CERKL: variants seen among roughly 807,000 people sequenced by gnomAD.
CERKL encodes ceramide kinase-like protein.
In CERKL, 61 loss-of-function variants were observed where a neutral mutation model predicts 63.4. The ratio of observed to expected loss-of-function variants is 0.96; its 90% confidence interval spans 0.78 to 1.19. The LOEUF (loss-of-function observed/expected upper bound fraction) is 1.19. Among genes scored for constraint, CERKL ranks in the 50% most tolerant of loss-of-function variants. The probability of loss-of-function intolerance (pLI) is 0.00; values close to 1 mark genes in which losing one functional copy is unlikely to be tolerated. For missense variants in CERKL, 675 were observed against 655.5 expected, an observed-to-expected ratio of 1.03 and a Z score of -0.33; for synonymous variants, 250 against 230.5, an observed-to-expected ratio of 1.08 and a Z score of -0.77.
intron 1 of CERKL, among the ~76,000 whole-genome samples, chr2:181,631,757 A>T (rs1371547151): frequency 1.3e-5 from 2 of 152,184 alleles, no homozygotes; most frequent in Non-Finnish European, 2.9e-5. Flanking sequence ...AGAGTCTCAG[A>T]AAAGGGCTCT....
chr2:181,549,233 T>A (rs1687877014), intron 6 of CERKL, among the ~76,000 whole-genome samples: 1 of 152,214 alleles, frequency 6.6e-6, no homozygotes, highest in Admixed American at 6.5e-5. Context: ...TATAGACATC[T>A]ACTGGCTGAA....
rs191997806 is a variant in CERKL at position 181,554,757 on chromosome 2, T to A, written c.820+3809A>T. On this transcript the variant is annotated intron_variant, in intron 5 of 12. Coordinates refer to ENST00000410087, the MANE Select transcript of CERKL (RefSeq NM_201548.5). The stretch of plus-strand genomic sequence containing the variant: ...ACTAAACACTCTCCCTCTGGGTGTC[T>A]CTCTCCAGGAGGCAAATGGCTTCAA... Among the ~76,000 whole-genome samples the A allele has an allele frequency of 9.6e-3, 1,457 of 152,240 alleles. 24 individuals carry two copies. The highest frequency in any genetic ancestry group is 0.033 in the African/African-American group (1,371 of 41,548).
At chr2:181,555,343 G>C (rs918298207) in intron 5 of CERKL, among the ~76,000 whole-genome samples, 2 of 151,986 alleles carry the variant, frequency 1.3e-5, no homozygotes, top group African/African-American at 4.8e-5. Flanking sequence ...AAAGCAAAAA[G>C]GTCAAGAAAT....
intron 11 of CERKL, among the ~76,000 whole-genome samples, chr2:181,542,748 G>A (rs941407055): frequency 5.3e-5 from 8 of 152,074 alleles, no homozygotes; most frequent in African/African-American, 1.4e-4. Context: ...GATATGCCTC[G>A]TAGAGTACAT....
chr2:181,538,137 T>TTAG lies in CERKL; in HGVS notation c.*46_*47insCTA. 7.8e-7 allele frequency: 1 copy of TTAG among 1,287,006 alleles called. No homozygotes were observed. The allele number at this position is 1,287,006 out of a possible 1,614,324, so 79.7% of individuals were successfully genotyped here. A position where few individuals can be genotyped will look rare whatever the true frequency, so the allele number is the denominator to read the frequency against. On this transcript the variant is annotated 3_prime_UTR_variant, in exon 13 of 13. Coordinates refer to ENST00000410087, the MANE Select transcript of CERKL (RefSeq NM_201548.5). Reference sequence around the variant, plus strand: ...GGTTTAAAGCATGGCCACATTTCTTTATATTAAAATTCTAGTTTGTACATT... The same window carrying TTAG: ...GGTTTAAAGCATGGCCACATTTCTTTTAGATATTAAAATTCTAGTTTGTACATT...
At chr2:181,623,316 G>T (rs1195151298) in intron 1 of CERKL, among the ~76,000 whole-genome samples, 1 of 152,090 alleles carries the variant, frequency 6.6e-6, no homozygotes, top group African/African-American at 2.4e-5. Flanking sequence ...ATCAATAATA[G>T]ATCAATAAAA....
rs149311751 is a variant in CERKL at position 181,634,969 on chromosome 2, A to C, written c.238+21800T>G. ...TGTACACAATGAATGCTAATTAAAC[A>C]TTACTGACTGAAAATCTTTGAAAAG... On this transcript the variant is annotated intron_variant, in intron 1 of 12. Coordinates refer to ENST00000410087, the MANE Select transcript of CERKL (RefSeq NM_201548.5). Among the ~76,000 whole-genome samples the C allele has an allele frequency of 9.8e-5, 15 of 152,306 alleles. No individual in the cohort carries two copies. In the East Asian group the frequency reaches 2.7e-3, roughly 27 times the overall value.
At position 181,656,770 on chromosome 2, in the gene CERKL, C is replaced by G. The variant is rs374655559; in HGVS notation, c.237G>C (p.Ala79=). ...RWRPIQPERP[A]GDSKYDLLCK... Reference sequence around the variant, plus strand: ...AGACGCTTGGGGCCGGGCACTCACCCGCCGGGCGCTCGGGCTGAATGGGCC... The same window carrying G: ...AGACGCTTGGGGCCGGGCACTCACCGGCCGGGCGCTCGGGCTGAATGGGCC... Residue 79 remains alanine (A), a splice_region_variant and synonymous_variant, in exon 1 of 13, where the codon GCG becomes GCC. Transcript: ENST00000410087. The G allele has an allele frequency of 1.4e-5, 22 of 1,590,668 alleles. No homozygotes were observed. Among genetic ancestry groups the G allele is most frequent in the African/African-American group, 2.7e-5 (2 of 73,528 alleles).
chr2:181,537,580 CTGTATTATATT>C lies in CERKL; in HGVS notation c.*593_*603del, dbSNP rs781175960. ...GTGAATCAAGGCAGACTTATGAAAT[CTGTATTATATT>C]TGTAACAGAATATAGGAAATTTAAC... On this transcript the variant is annotated 3_prime_UTR_variant, in exon 13 of 13. Transcript: ENST00000410087. The C allele has an allele frequency of 2.3e-6, 1 of 430,238 alleles. No individual in the cohort carries two copies. The highest frequency in any genetic ancestry group is 1.7e-5 in the South Asian group (1 of 60,008). The allele number at this position is 430,238 out of a possible 1,614,324, so 26.7% of individuals were successfully genotyped here. A position where few individuals can be genotyped will look rare whatever the true frequency, so the allele number is the denominator to read the frequency against.
At chr2:181,568,795 A>G (rs1338516888) in intron 3 of CERKL, among the ~76,000 whole-genome samples, 1 of 150,776 alleles carries the variant, frequency 6.6e-6, no homozygotes, top group Non-Finnish European at 1.5e-5. Context: ...CTAACTCGTC[A>G]TCTAGCATTA....
chr2:181,591,506 A>G (rs1684988717), intron 2 of CERKL, among the ~76,000 whole-genome samples: 1 of 152,220 alleles, frequency 6.6e-6, no homozygotes, highest in African/African-American at 2.4e-5. Context: ...CTTGAAATAT[A>G]TACTTTCAGT....
rs1260145047 is a variant in CERKL at position 181,536,882 on chromosome 2, G to A, written c.*1302C>T. 4.4e-6 allele frequency: 2 copies of A among 452,680 alleles called. No individual in the cohort carries two copies. Among genetic ancestry groups the A allele is most frequent in the Admixed American group, 2.4e-5 (1 of 42,376 alleles). The allele number at this position is 452,680 out of a possible 1,614,324, so 28.0% of individuals were successfully genotyped here. On this transcript the variant is annotated 3_prime_UTR_variant, in exon 13 of 13. Transcript: ENST00000410087. ...GGCCGAATTTTGAACATCTGTTATA[G>A]GGAGTGATCAAATTAGAAGGCAATG... is the stretch of plus-strand genomic sequence containing the variant.
chr2:181,571,407 T>C (rs1468671715), intron 3 of CERKL, among the ~76,000 whole-genome samples: 1 of 152,202 alleles, frequency 6.6e-6, no homozygotes, highest in African/African-American at 2.4e-5. Flanking sequence ...ATAATAGTTT[T>C]GTCTCCAATA....
intron 1 of CERKL, among the ~76,000 whole-genome samples, chr2:181,623,748 A>T (rs1450531969): frequency 6.6e-6 from 1 of 152,010 alleles, no homozygotes; most frequent in Non-Finnish European, 1.5e-5. Context: ...CTCCAAAAAC[A>T]TTTTTTTCTT....
chr2:181,552,849 G>T lies in CERKL; in HGVS notation c.821-3141C>A, dbSNP rs1288102992. ...GATAATAGGTATTAAAACAGTAATAGCAGTATTAATGGAAGTAAAAAATAT... is the reference window on the plus strand; with the variant it reads ...GATAATAGGTATTAAAACAGTAATATCAGTATTAATGGAAGTAAAAAATAT... On this transcript the variant is annotated intron_variant, in intron 5 of 12. Coordinates refer to ENST00000410087, the MANE Select transcript of CERKL (RefSeq NM_201548.5). Among the ~76,000 whole-genome samples, 3 of 149,166 alleles carry T rather than the reference G, an allele frequency of 2.0e-5. No individual in the cohort carries two copies. In the East Asian group the frequency reaches 5.8e-4, roughly 29 times the overall value.
chr2:181,599,593 C>G (rs1454228215), intron 2 of CERKL, among the ~76,000 whole-genome samples: 1 of 149,704 alleles, frequency 6.7e-6, no homozygotes, highest in Non-Finnish European at 1.5e-5. Flanking sequence ...CAGACTACAC[C>G]AAGCAGAAGA....
intron 4 of CERKL, among the ~76,000 whole-genome samples, chr2:181,560,637 A>G (rs980840535): frequency 2.0e-5 from 3 of 152,192 alleles, no homozygotes; most frequent in Non-Finnish European, 4.4e-5. Flanking sequence ...TTAGGAAACT[A>G]AAACATAGAA....
In CERKL at chr2:181,558,293, A is replaced by G. The variant is rs1688293040; in HGVS notation, c.820+273T>C. Among the ~76,000 whole-genome samples the G allele has an allele frequency of 6.6e-6, 1 of 152,184 alleles. No homozygotes were observed. On this transcript the variant is annotated intron_variant, in intron 5 of 12. Transcript: ENST00000410087. The surrounding 1 kb of genome is among the most constrained non-coding windows in gnomAD (Gnocchi z 4.2). ...CCATATACTGATGGTTTAACTATAT[A>G]TTAAACCCTTTACTAAACCAAACGT...
intron 2 of CERKL, among the ~76,000 whole-genome samples, chr2:181,586,274 G>A (rs1365048468): frequency 6.6e-6 from 1 of 152,108 alleles, no homozygotes; most frequent in East Asian, 1.9e-4. Flanking sequence ...AAAGTATAAT[G>A]TAAGGACTTA....
Sources: allele counts gnomAD v4.1 joint callset (sites outside exome capture counted in the v4.1 genomes callset), GRCh38; gene constraint gnomAD v4.1.1; non-coding constraint Gnocchi (gnomAD v3.1); transcripts MANE v1.5; gene names NCBI Gene and HGNC (gene_info 2026-07-23, HGNC 2026-07-21).